The following ANKRD17 variants were observed in gnomAD, a reference collection of about 807,000 sequenced individuals.
The protein encoded by ANKRD17 is ankyrin repeat domain 17, also known as ankyrin repeat domain-containing protein 17.
A neutral mutation model predicts 229.7 loss-of-function variants in ANKRD17; 19 were observed. The observed-to-expected ratio is 0.08, with a 90% CI of 0.06 to 0.12. ANKRD17 has a LOEUF of 0.12. ANKRD17 is among the 10% of genes least tolerant of loss of function. ANKRD17 has a pLI of 1.00. For missense variants in ANKRD17, 2,176 were observed against 3,176.8 expected (o/e 0.68, Z 7.57); for synonymous variants, 1,112 against 1,146.1 (o/e 0.97, Z 0.60).
intron 1 of ANKRD17, among the ~76,000 whole-genome samples, chr4:73,254,771 A>G (rs112488209): frequency 0.025 from 3,631 of 147,834 alleles, 66 homozygotes; most frequent in Non-Finnish European, 0.038. Context: ...TCCGTCTCCA[A>G]AAAAAAAAAA....
chr4:73,083,549 A>G (rs1207719810), intron 30 of ANKRD17, among the ~76,000 whole-genome samples: 2 of 152,214 alleles, frequency 1.3e-5, no homozygotes, highest in African/African-American at 4.8e-5. Context: ...TTTTGTAACA[A>G]AATAGTTACT....
chr4:73,108,969 A>G (rs1337418977), intron 24 of ANKRD17, among the ~76,000 whole-genome samples: 3 of 152,232 alleles, frequency 2.0e-5, no homozygotes, highest in East Asian at 1.9e-4. Context: ...GAGAAACCAT[A>G]TAGGATCTGG....
chr4:73,113,129 T>C (rs1725526334), intron 24 of ANKRD17: 2 of 1,226,372 alleles, frequency 1.6e-6, no homozygotes, highest in South Asian at 1.5e-5. Context: ...AGTTCCATAA[T>C]ATTCAATGCC....
intron 16 of ANKRD17, among the ~76,000 whole-genome samples, chr4:73,126,841 C>T (rs1727539447): frequency 6.6e-6 from 1 of 152,164 alleles, no homozygotes; most frequent in Non-Finnish European, 1.5e-5. Context: ...ACGCAACGCT[C>T]CCTGCCTCAG....
Position 73,121,622 on chromosome 4 carries a change from G to A in ANKRD17, c.3630C>T (p.Asn1210=). The part of the protein sequence containing the change: ...KILLNAGAEI[N]SRTGSKLGIS... ...AGAAAGGGAATACAACTTGCCTAGAGTTAATCTCAGCTCCTGCATTTAGTA... is the reference window on the plus strand; with the variant it reads ...AGAAAGGGAATACAACTTGCCTAGAATTAATCTCAGCTCCTGCATTTAGTA... Residue 1210 remains asparagine, a synonymous_variant, in exon 19 of 34, where the codon AAC becomes AAT. Transcript: ENST00000358602. The A allele has an allele frequency of 6.2e-7, 1 of 1,613,646 alleles. No homozygotes were observed. The highest frequency in any genetic ancestry group is 8.5e-7 in the Non-Finnish European group (1 of 1,179,680).
At chr4:73,129,410 T>C (rs1727891751) in intron 16 of ANKRD17, among the ~76,000 whole-genome samples, 1 of 152,158 alleles carries the variant, frequency 6.6e-6, no homozygotes, top group African/African-American at 2.4e-5. Context: ...GAAAAAGCAC[T>C]GAACTGTGTG....
chr4:73,238,461 A>G (rs1294613768), intron 1 of ANKRD17, among the ~76,000 whole-genome samples: 3 of 152,188 alleles, frequency 2.0e-5, no homozygotes, highest in East Asian at 1.9e-4. Context: ...TATTCCACCT[A>G]TGAAATCCAT....
chr4:73,179,492 A>G lies in ANKRD17; in HGVS notation c.394-1959T>C, dbSNP rs866401262. Among the ~76,000 whole-genome samples the G allele has an allele frequency of 4.1e-3, 240 of 59,012 alleles. 1 individual carries two copies. The highest frequency in any genetic ancestry group is 0.013 in the African/African-American group (194 of 14,770). The allele number at this position is 59,012 out of a possible 152,430, so 38.7% of individuals were successfully genotyped here. On this transcript the variant is annotated intron_variant, in intron 1 of 33. Transcript: ENST00000358602. The stretch of plus-strand genomic sequence containing the variant: ...TGTGTGTGTGTGTGTGTGTGTGTAT[A>G]TATATATATATATATATATATATAT...
chr4:73,129,099 C>T (rs1452059408), intron 16 of ANKRD17, among the ~76,000 whole-genome samples: 1 of 152,008 alleles, frequency 6.6e-6, no homozygotes, highest in Non-Finnish European at 1.5e-5. Context: ...AGTCCCGAAC[C>T]TGAAAAAGGA....
chr4:73,245,756 T>C (rs1744442114), intron 1 of ANKRD17, among the ~76,000 whole-genome samples: 1 of 152,130 alleles, frequency 6.6e-6, no homozygotes, highest in Non-Finnish European at 1.5e-5. Flanking sequence ...CCAGGAAACC[T>C]AAGGGAGAGA....
At chr4:73,208,291 C>A (rs1230919036) in intron 1 of ANKRD17, among the ~76,000 whole-genome samples, 3 of 151,866 alleles carry the variant, frequency 2.0e-5, no homozygotes, top group African/African-American at 4.8e-5. Flanking sequence ...TTTCTAATGC[C>A]CATAAAAAAC....
At chr4:73,142,474 C>G in intron 12 of ANKRD17, 89 bp from the exon 13 acceptor site, 1 of 1,569,518 alleles carries the variant, frequency 6.4e-7, no homozygotes, top group Non-Finnish European at 8.6e-7. Flanking sequence ...CAACAGGTCC[C>G]AGACGCATTA....
intron 1 of ANKRD17, among the ~76,000 whole-genome samples, chr4:73,246,225 A>G (rs1459083086): frequency 6.6e-6 from 1 of 152,200 alleles, no homozygotes; most frequent in East Asian, 1.9e-4. Flanking sequence ...CCCCCGAAGG[A>G]TTTCATTATT....
intron 1 of ANKRD17, among the ~76,000 whole-genome samples, chr4:73,186,891 T>C (rs1279192491): frequency 6.6e-6 from 1 of 152,160 alleles, no homozygotes; most frequent in Non-Finnish European, 1.5e-5. Context: ...CCAGGAATTA[T>C]CATTTATCAA....
At chr4:73,208,743 T>G (rs192622884) in intron 1 of ANKRD17, among the ~76,000 whole-genome samples, 33 of 152,266 alleles carry the variant, frequency 2.2e-4, no homozygotes, top group Non-Finnish European at 4.6e-4. Flanking sequence ...GATATCAACA[T>G]TTGTAGTATA....
intron 30 of ANKRD17, among the ~76,000 whole-genome samples, chr4:73,081,560 T>C (rs1233418364): frequency 6.6e-6 from 1 of 152,198 alleles, no homozygotes; most frequent in Non-Finnish European, 1.5e-5. Flanking sequence ...CAAAATTTAA[T>C]TCAGAGCCAT....
At position 73,249,558 on chromosome 4, in the gene ANKRD17, T is replaced by C. The variant is rs79197815; in HGVS notation, c.393+8718A>G. 1.0e-2 allele frequency among the ~76,000 whole-genome samples: 1,516 copies of C among 152,350 alleles called. 78 individuals are homozygous for C. In the East Asian group the frequency reaches 0.12, roughly 12 times the overall value. ...AGTATGAAGTAATAAGCAATAAGAA[T>C]ATACTTAAGTAAAATCGGCCGGGTG... On this transcript the variant is annotated intron_variant, in intron 1 of 33. Coordinates refer to ENST00000358602, the MANE Select transcript of ANKRD17 (RefSeq NM_032217.5).
chr4:73,210,263 C>A (rs1038993612), intron 1 of ANKRD17, among the ~76,000 whole-genome samples: 1 of 151,772 alleles, frequency 6.6e-6, no homozygotes, highest in Non-Finnish European at 1.5e-5. Context: ...AATTTAAGCC[C>A]ACAAATATCC....
chr4:73,121,456 T>C, intron 19 of ANKRD17, 161 bp downstream of exon 19: 1 of 795,554 alleles, frequency 1.3e-6, no homozygotes, highest in Non-Finnish European at 2.0e-6. Context: ...TATCAAGTTT[T>C]AATTACTTAA....
Sources: allele counts gnomAD v4.1 joint callset (sites outside exome capture counted in the v4.1 genomes callset), GRCh38; gene constraint gnomAD v4.1.1; transcripts MANE v1.5; gene names NCBI Gene and HGNC (gene_info 2026-07-23, HGNC 2026-07-21).